Variants in DGKB observed in about 807,000 individuals in gnomAD.
DGKB encodes the protein diacylglycerol kinase beta, also known as 90 kDa diacylglycerol kinase.
In DGKB, 67 loss-of-function variants were observed where a neutral mutation model predicts 114.3. That is an observed-to-expected ratio of 0.59 (90% confidence interval 0.48 to 0.72). The LOEUF is 0.72. Among genes scored for constraint, DGKB ranks in the 30% least tolerant of loss-of-function variants. DGKB has a pLI of 0.00. For synonymous variants in DGKB, 398 were observed against 323.1 expected (o/e 1.23, Z -2.49); for missense variants, 907 against 975.2 (o/e 0.93, Z 0.93).
At chr7:14,188,224 A>C (rs1413473510) in intron 23 of DGKB, among the ~76,000 whole-genome samples, 1 of 152,226 alleles carries the variant, frequency 6.6e-6, no homozygotes, top group East Asian at 1.9e-4. Flanking sequence ...ATGGGACACC[A>C]TCAAGTGAAT....
chr7:14,292,721 A>T (rs1436133376), intron 23 of DGKB, among the ~76,000 whole-genome samples: 1 of 152,184 alleles, frequency 6.6e-6, no homozygotes. Flanking sequence ...ACCTATCTGC[A>T]CTTACAGAGT....
chr7:14,531,652 A>C (rs1791600214), intron 20 of DGKB, among the ~76,000 whole-genome samples: 1 of 126,330 alleles, frequency 7.9e-6, no homozygotes, highest in East Asian at 3.3e-4. Flanking sequence ...TCCTTATCAA[A>C]ATGACAGCAG....
chr7:14,215,930 G>C (rs1165078048), intron 23 of DGKB, among the ~76,000 whole-genome samples: 2 of 152,046 alleles, frequency 1.3e-5, no homozygotes, highest in African/African-American at 4.8e-5. Flanking sequence ...TGTATATATG[G>C]CCTGGATATT....
intron 20 of DGKB, among the ~76,000 whole-genome samples, chr7:14,478,605 G>A (rs564913507): frequency 1.3e-5 from 2 of 152,138 alleles, no homozygotes; most frequent in East Asian, 1.9e-4. Context: ...AGAGTTAGAA[G>A]GATGCCCTAA....
At chr7:14,313,150 T>A (rs1554344975) in intron 23 of DGKB, among the ~76,000 whole-genome samples, 1 of 152,214 alleles carries the variant, frequency 6.6e-6, no homozygotes, top group Non-Finnish European at 1.5e-5. Context: ...TGCCAAAGAA[T>A]AATATCCAAA....
rs765862812 is a variant in DGKB at position 14,885,138 on chromosome 7, T to C, written c.-188+17454A>G. On this transcript the variant is annotated intron_variant, in intron 1 of 25. Coordinates refer to ENST00000402815, the MANE Select transcript of DGKB (RefSeq NM_001350709.2). ...TCTGAGCGAGGTAACTTGATGTTCC[T>C]TGAATGATGAGTAGAGCCAAAATCA... Among the ~76,000 whole-genome samples, 7 of 152,046 alleles carry C rather than the reference T, an allele frequency of 4.6e-5. No individual in the cohort carries two copies. In the South Asian group the frequency reaches 8.3e-4, roughly 18 times the overall value.
intron 21 of DGKB, among the ~76,000 whole-genome samples, chr7:14,421,632 G>A (rs1379872028): frequency 6.6e-6 from 1 of 151,934 alleles, no homozygotes; most frequent in Non-Finnish European, 1.5e-5. Flanking sequence ...TTTATCAATG[G>A]AAAACATTTC....
chr7:14,755,359 C>T (rs139203959), intron 3 of DGKB, among the ~76,000 whole-genome samples: 11 of 152,174 alleles, frequency 7.2e-5, no homozygotes, highest in Admixed American at 2.0e-4. Context: ...AGTACATCTA[C>T]GATTTAAACA....
At chr7:14,214,574 T>C (rs1479176704) in intron 23 of DGKB, among the ~76,000 whole-genome samples, 3 of 152,128 alleles carry the variant, frequency 2.0e-5, no homozygotes, top group Non-Finnish European at 4.4e-5. Flanking sequence ...TTTTCTCTAT[T>C]CTTTCTTTCT....
chr7:14,829,227 C>G (rs149505575), intron 2 of DGKB, among the ~76,000 whole-genome samples: 4 of 152,236 alleles, frequency 2.6e-5, no homozygotes, highest in African/African-American at 9.6e-5. Context: ...CAAATTCTAA[C>G]TACTTTTTGG....
intron 23 of DGKB, among the ~76,000 whole-genome samples, chr7:14,202,530 A>G (rs1786065678): frequency 6.6e-6 from 1 of 151,988 alleles, no homozygotes; most frequent in African/African-American, 2.4e-5. Context: ...TAATTTCATT[A>G]TTTTTATACT....
At chr7:14,722,796 A>C (rs112071343) in intron 5 of DGKB, among the ~76,000 whole-genome samples, 4,064 of 152,224 alleles carry the variant, frequency 0.027, 88 homozygotes, top group South Asian at 0.048. Context: ...TGGGCGGCAG[A>C]GTGAAACTGT....
intron 23 of DGKB, among the ~76,000 whole-genome samples, chr7:14,250,994 C>A (rs1203672926): frequency 6.6e-6 from 1 of 152,142 alleles, no homozygotes; most frequent in Non-Finnish European, 1.5e-5. Flanking sequence ...CTCTTGATTT[C>A]TGTAAACTTT....
chr7:14,720,997 C>T (rs1352867704), intron 5 of DGKB, among the ~76,000 whole-genome samples: 1 of 152,160 alleles, frequency 6.6e-6, no homozygotes, highest in East Asian at 1.9e-4. Flanking sequence ...GAGAACACAG[C>T]ACTTGAATTA....
chr7:14,369,940 GTTTCA>G (rs1261922098), intron 21 of DGKB, among the ~76,000 whole-genome samples: 2 of 152,098 alleles, frequency 1.3e-5, no homozygotes, highest in Non-Finnish European at 2.9e-5. Context: ...TGCAGAAGCT[GTTTCA>G]TTTCATTAGA....
At chr7:14,946,652 T>C (rs1210687306) in intron 1 of DGKB, among the ~76,000 whole-genome samples, 3 of 151,720 alleles carry the variant, frequency 2.0e-5, no homozygotes, top group African/African-American at 7.2e-5. Context: ...TCTGTCATTA[T>C]ATGAGTGGGA....
rs397732601 is a variant in DGKB at position 14,868,340 on chromosome 7, A to ATT, written c.-187-26892_-187-26891dup. ...AGACTTTCTTTTTTCTTTCCTTTTC[A>ATT]TTTTTTTTTTTTTAAGATGGCATCT... On this transcript the variant is annotated intron_variant, in intron 1 of 25. Coordinates refer to ENST00000402815, the MANE Select transcript of DGKB (RefSeq NM_001350709.2). Among the ~76,000 whole-genome samples, 434 of 144,392 alleles carry ATT rather than the reference A, an allele frequency of 3.0e-3. 1 individual carries two copies. The highest frequency in any genetic ancestry group is 3.8e-3 in the African/African-American group (148 of 39,222). 94.7% of individuals were successfully genotyped at this position (144,392 alleles called of 152,430 possible).
At chr7:14,489,059 C>T (rs903685811) in intron 20 of DGKB, among the ~76,000 whole-genome samples, 3 of 152,064 alleles carry the variant, frequency 2.0e-5, no homozygotes, top group Admixed American at 1.3e-4. Context: ...CTAAGTGTCA[C>T]CTGACAAGAA....
chr7:14,235,318 T>C (rs894815311), intron 23 of DGKB, among the ~76,000 whole-genome samples: 5 of 152,102 alleles, frequency 3.3e-5, no homozygotes, highest in Non-Finnish European at 5.9e-5. Flanking sequence ...AATACAAGAA[T>C]GGAATGGTCT....
Sources: gnomAD v4.1 joint callset for allele counts (sites outside exome capture counted in the v4.1 genomes callset) on GRCh38, gnomAD v4.1.1 for gene constraint, MANE v1.5 for transcripts, NCBI Gene and HGNC (gene_info 2026-07-23, HGNC 2026-07-21) for gene names.